Variants in F8 observed in about 807,000 individuals in gnomAD.
F8 encodes antihemophilic factor.
F8 carries 12 observed loss-of-function variants against 140.6 expected under a neutral mutation model. That is an observed-to-expected ratio of 0.09 (90% CI 0.05 to 0.14). The LOEUF (loss-of-function observed/expected upper bound fraction) is 0.14, where lower values mean the gene tolerates loss of function less well. Among genes scored for constraint, F8 ranks in the 10% least tolerant of loss-of-function variants. F8 has a pLI of 1.00. For synonymous variants in F8, 585 were observed against 614.6 expected (o/e 0.95, Z 0.71); for missense variants, 1,354 against 1,720.7 (o/e 0.79, Z 3.77).
At chrX:154,999,059 G>C (rs1466491802) in intron 2 of F8, among the ~76,000 whole-genome samples, 1 of 110,818 alleles carries the variant, frequency 9.0e-6, no homozygotes, top group Non-Finnish European at 1.9e-5. Context: ...TAAGTTCCTA[G>C]CCTTTTTTTA....
intron 12 of F8, among the ~76,000 whole-genome samples, chrX:154,950,369 T>G (rs2073331069): frequency 8.9e-6 from 1 of 111,760 alleles, no homozygotes. Context: ...ATACTTGGTA[T>G]GGACAGCCTT....
At chrX:154,862,364 C>T (rs782230157) in intron 23 of F8, among the ~76,000 whole-genome samples, 86 of 111,650 alleles carry the variant, frequency 7.7e-4, no homozygotes, top group Non-Finnish European at 1.5e-3. Context: ...CCAGCTCTTC[C>T]CACTTTGTGT....
chrX:154,893,996 T>G (rs2072964872), intron 22 of F8, among the ~76,000 whole-genome samples: 2 of 112,016 alleles, frequency 1.8e-5, no homozygotes, highest in Admixed American at 1.9e-4. Flanking sequence ...CTCCACAATG[T>G]TTATCTTAAC....
rs1200762575 is a variant in F8, at chrX:154,929,873, A to G, written c.3917T>C (p.Ile1306Thr). ...LEGLGNQTKQ[I>T]VEKYACTTRI... ...TGTGGTGCATGCATATTTCTCTACA[A>G]TTTGCTTGGTTTGATTTCCCAAGCC... is the stretch of plus-strand genomic sequence containing the variant. The change falls in exon 14 of 26, where the codon ATT becomes ACT. Residue 1306 changes from isoleucine (I) to threonine (T), a missense_variant. By Grantham distance (89) the Ile-to-Thr change is moderately conservative (BLOSUM62 -1). Coordinates refer to ENST00000360256, the MANE Select transcript of F8 (RefSeq NM_000132.4). 1 of 1,209,395 alleles carries G rather than the reference A, an allele frequency of 8.3e-7. No individual in the cohort carries two copies. The highest frequency in any genetic ancestry group is 1.1e-6 in the Non-Finnish European group (1 of 894,819).
chrX:154,858,705 A>G (rs1199347245), intron 25 of F8, among the ~76,000 whole-genome samples: 1 of 112,404 alleles, frequency 8.9e-6, no homozygotes, highest in Non-Finnish European at 1.9e-5. Context: ...AGGCAAAGTC[A>G]ATACAGAATG....
At chrX:154,999,444 A>G in intron 2 of F8, 35 bp downstream of exon 2, 1 of 1,191,176 alleles carries the variant, frequency 8.4e-7, no homozygotes, top group South Asian at 1.8e-5. Flanking sequence ...AAGATACCCA[A>G]TTTCATAAAT....
chrX:154,955,214 C>T (rs1162536305), intron 11 of F8, among the ~76,000 whole-genome samples: 1 of 65,137 alleles, frequency 1.5e-5, no homozygotes, highest in Non-Finnish European at 2.5e-5. Flanking sequence ...GTCGCTTTGT[C>T]ATCCAGGCTC....
intron 23 of F8, among the ~76,000 whole-genome samples, chrX:154,862,438 G>A (rs1388760399): frequency 9.0e-6 from 1 of 111,046 alleles, no homozygotes; most frequent in Non-Finnish European, 1.9e-5. Context: ...AGGGGTACAT[G>A]GGTAGGTTTG....
chrX:154,915,581 T>C (rs2073091731), intron 14 of F8, among the ~76,000 whole-genome samples: 1 of 111,823 alleles, frequency 8.9e-6, no homozygotes, highest in African/African-American at 3.2e-5. Flanking sequence ...ATTATAGCTA[T>C]TGAAAATGAA....
rs186345621 is a variant in F8, at chrX:154,947,188, G to A, written c.2113+510C>T. Among the ~76,000 whole-genome samples, 659 of 89,656 alleles carry A rather than the reference G, an allele frequency of 7.4e-3. 2 individuals carry two copies. The highest frequency in any genetic ancestry group is 0.011 in the Non-Finnish European group (541 of 48,434). The allele number at this position is 89,656 out of a possible 115,157, so 77.9% of individuals were successfully genotyped here. On this transcript the variant is annotated intron_variant, in intron 13 of 25. Transcript: ENST00000360256. ...TGCAGTGAGCCGAGATCGTGCCACC[G>A]CACTCCAGCCTGGGCTACAGAGCGA...
chrX:154,901,388 G>A lies in F8; in HGVS notation c.6170C>T (p.Thr2057Ile). ...ASGHIRDFQITASGQYGQWAP... is the reference protein window; with the variant it reads ...ASGHIRDFQIIASGQYGQWAP... ...GTATTTACCATATTGTCCTGAAGCT[G>A]TAATCTGAAAATCTCTAATGTGTCC... The change falls in exon 20 of 26, where the codon ACA (threonine) becomes ATA (isoleucine). Residue 2057 changes from threonine to isoleucine, a missense_variant. Physicochemically the swap from Thr to Ile is moderately conservative, Grantham distance 89. This residue lies in a region of F8 where 316 missense variants were observed against 485.4 expected (regional missense o/e 0.65). Coordinates refer to ENST00000360256, the MANE Select transcript of F8 (RefSeq NM_000132.4). 1 of 1,192,937 alleles carries A rather than the reference G, an allele frequency of 8.4e-7. No homozygotes were observed. Among genetic ancestry groups the A allele is most frequent in the Non-Finnish European group, 1.1e-6 (1 of 878,241 alleles).
chrX:154,878,555 A>T (rs2072836795), intron 22 of F8, among the ~76,000 whole-genome samples: 1 of 111,499 alleles, frequency 9.0e-6, no homozygotes, highest in South Asian at 3.7e-4. Context: ...AGACTGAAAG[A>T]TATTTCCCTA....
rs782033112 is a variant in F8 at position 154,965,864 on chromosome X, A to C, written c.1443+106T>G. 5.3e-6 allele frequency: 4 copies of C among 752,617 alleles called. No homozygotes were observed. The South Asian group carries it at 9.5e-5, about 18-fold the overall frequency. 62.0% of individuals were successfully genotyped at this position (752,617 alleles called of 1,213,427 possible). ...TTGTGTAACATTTATAGCTTTTAAA[A>C]GATCATGTCCATTGGAGACAAGGCT... On this transcript the variant is annotated intron_variant, in intron 9 of 25. Coordinates refer to ENST00000360256, the MANE Select transcript of F8 (RefSeq NM_000132.4).
chrX:154,885,978 G>A (rs782381393), intron 22 of F8, among the ~76,000 whole-genome samples: 7 of 10,348 alleles, frequency 6.8e-4, no homozygotes, highest in East Asian at 1.7e-3. Flanking sequence ...GGGGGGGGGG[G>A]ACAACAGTCT....
At chrX:154,996,945 C>G (rs1315949172) in intron 3 of F8, 28 bp downstream of exon 3, 8 of 1,205,020 alleles carry the variant, frequency 6.6e-6, no homozygotes, top group Non-Finnish European at 9.0e-6. Context: ...CATAGAATGA[C>G]AGGACAATAG....
intron 22 of F8, among the ~76,000 whole-genome samples, chrX:154,870,210 T>A (rs1260664271): frequency 8.9e-6 from 1 of 111,980 alleles, no homozygotes; most frequent in Non-Finnish European, 1.9e-5. Context: ...GCCAGCATCA[T>A]CCTGATACCA....
chrX:155,009,357 C>T lies in F8; in HGVS notation c.144-9757G>A, dbSNP rs782616863. Among the ~76,000 whole-genome samples the T allele has an allele frequency of 6.3e-5, 7 of 111,099 alleles. No individual in the cohort carries two copies. In the South Asian group the frequency reaches 1.5e-3, roughly 24 times the overall value. On this transcript the variant is annotated intron_variant, in intron 1 of 25. Coordinates refer to ENST00000360256, the MANE Select transcript of F8 (RefSeq NM_000132.4). ...CCATATCATATCCTTGGTTCCACTACGTCTATCCTACCCCCTCTCTGTGCA... is the reference window on the plus strand; with the variant it reads ...CCATATCATATCCTTGGTTCCACTATGTCTATCCTACCCCCTCTCTGTGCA...
At chrX:154,943,341 T>C (rs1462707503) in intron 13 of F8, among the ~76,000 whole-genome samples, 2 of 111,801 alleles carry the variant, frequency 1.8e-5, no homozygotes, top group Non-Finnish European at 3.8e-5. Context: ...AAAATCAATG[T>C]ACAAAAATCA....
intron 1 of F8, 28 bp downstream of exon 1, chrX:155,022,382 G>T: frequency 8.3e-7 from 1 of 1,202,496 alleles, no homozygotes. Flanking sequence ...TCCTGGCCCC[G>T]ATCAGACCCT....
Sources: gnomAD v4.1 joint callset for allele counts (sites outside exome capture counted in the v4.1 genomes callset) on GRCh38, gnomAD v4.1.1 for gene constraint, gnomAD v4.1.1 regional missense constraint, MANE v1.5 for transcripts, NCBI Gene and HGNC (gene_info 2026-07-23, HGNC 2026-07-21) for gene names.